The following OR51B5 variants were observed in gnomAD, a reference collection of about 807,000 sequenced individuals.
The protein encoded by OR51B5 is olfactory receptor 51B5.
For missense variants in OR51B5, 456 were observed against 374.6 expected (o/e 1.22, Z -1.79); for synonymous variants, 186 against 144.8 (o/e 1.28, Z -2.04).
At chr11:5,430,841 C>G (rs1377020276) in intron 1 of OR51B5, 1 of 457,242 alleles carries the variant, frequency 2.2e-6, no homozygotes, top group African/African-American at 2.0e-5. Flanking sequence ...ATCATGGGCA[C>G]ATAATATATA....
intron 1 of OR51B5, among the ~76,000 whole-genome samples, chr11:5,378,927 A>G (rs1490389051): frequency 6.6e-6 from 1 of 151,062 alleles, no homozygotes; most frequent in African/African-American, 2.5e-5. Context: ...ATCTAGAACT[A>G]GAAATACCAT....
chr11:5,372,607 CTATTA>C (rs1370819401), intron 1 of OR51B5, among the ~76,000 whole-genome samples: 1 of 152,052 alleles, frequency 6.6e-6, no homozygotes, highest in Non-Finnish European at 1.5e-5. Context: ...ACTTAGGTTA[CTATTA>C]TATTTTTTCA....
chr11:5,342,069 AAAG>A (rs1421009578), downstream of OR51B5, among the ~76,000 whole-genome samples: 10 of 152,332 alleles, frequency 6.6e-5, no homozygotes, highest in South Asian at 1.9e-3. Context: ...GTCACTGATC[AAAG>A]AAGATTATAT....
chr11:5,353,999 C>T (rs1378769986), intron 1 of OR51B5, among the ~76,000 whole-genome samples: 1 of 140,944 alleles, frequency 7.1e-6, no homozygotes, highest in Non-Finnish European at 1.6e-5. Context: ...TTTGTAGCTT[C>T]TTGACTGTGT....
At chr11:5,388,591 C>G (rs559916125) in intron 1 of OR51B5, among the ~76,000 whole-genome samples, 178 of 148,548 alleles carry the variant, frequency 1.2e-3, no homozygotes, top group African/African-American at 4.1e-3. Context: ...GTCATTAACA[C>G]CGTGAATATA....
chr11:5,346,270 G>A (rs113666056), upstream of OR51B5: 5 of 152,274 alleles, frequency 3.3e-5, 1 homozygote, highest in African/African-American at 1.2e-4. Context: ...ACCTGGTAAT[G>A]CAGCTATAAT....
At chr11:5,387,676 C>T (rs1368861092) in intron 1 of OR51B5, among the ~76,000 whole-genome samples, 1 of 152,124 alleles carries the variant, frequency 6.6e-6, no homozygotes, top group Non-Finnish European at 1.5e-5. Flanking sequence ...GTCTTTTAAA[C>T]TTGTCAAGCT....
At chr11:5,375,708 C>T (rs1417409241) in intron 1 of OR51B5, among the ~76,000 whole-genome samples, 2 of 151,912 alleles carry the variant, frequency 1.3e-5, no homozygotes, top group Non-Finnish European at 2.9e-5. Flanking sequence ...TCAAAAGAGA[C>T]AAAGAAGGCC....
chr11:5,408,789 C>T (rs1456643571), intron 1 of OR51B5, among the ~76,000 whole-genome samples: 1 of 152,156 alleles, frequency 6.6e-6, no homozygotes, highest in Admixed American at 6.5e-5. Context: ...GCCTTAATCT[C>T]ACTTTCTGTA....
At chr11:5,427,426 A>C (rs565621496) in intron 1 of OR51B5, among the ~76,000 whole-genome samples, 1 of 152,404 alleles carries the variant, frequency 6.6e-6, no homozygotes, top group East Asian at 1.9e-4. Flanking sequence ...GGTTACAGAC[A>C]CAAGGGGAAA....
At chr11:5,407,870 A>G (rs1243497234) in intron 1 of OR51B5, among the ~76,000 whole-genome samples, 1 of 152,022 alleles carries the variant, frequency 6.6e-6, no homozygotes, top group East Asian at 1.9e-4. Context: ...CCTATCAATA[A>G]TGATTAATTT....
chr11:5,450,596 G>T (rs1850829845), intron 1 of OR51B5, among the ~76,000 whole-genome samples: 1 of 152,156 alleles, frequency 6.6e-6, no homozygotes, highest in African/African-American at 2.4e-5. Context: ...AGGAGAATTT[G>T]TGTTCAGCCT....
intron 1 of OR51B5, among the ~76,000 whole-genome samples, chr11:5,359,592 C>T (rs936705617): frequency 7.6e-5 from 11 of 145,078 alleles, no homozygotes; most frequent in African/African-American, 2.8e-4. Flanking sequence ...AGATTCAATG[C>T]CATCCCCATC....
chr11:5,502,761 G>A (rs554481336), intron 1 of OR51B5, among the ~76,000 whole-genome samples: 1 of 152,112 alleles, frequency 6.6e-6, no homozygotes. Flanking sequence ...ACCTTACAGG[G>A]TTTCTGTAAG....
intron 1 of OR51B5, chr11:5,455,407 A>T (rs1332696555): frequency 6.6e-6 from 1 of 151,748 alleles, no homozygotes; most frequent in Non-Finnish European, 1.5e-5. Context: ...TTTAGATACC[A>T]GAAAATAATT....
intron 1 of OR51B5, chr11:5,453,855 T>G (rs1850900794): frequency 6.2e-7 from 1 of 1,614,232 alleles, no homozygotes; most frequent in Non-Finnish European, 8.5e-7. Flanking sequence ...TTTTGACCGC[T>G]ATGTGGCCAT....
chr11:5,472,385 T>C (rs553937517), intron 1 of OR51B5, among the ~76,000 whole-genome samples: 3 of 152,278 alleles, frequency 2.0e-5, no homozygotes, highest in Non-Finnish European at 4.4e-5. Context: ...ACTTACCTCC[T>C]CAGGGTAGCT....
intron 1 of OR51B5, among the ~76,000 whole-genome samples, chr11:5,425,729 T>C (rs1850438657): frequency 2.6e-5 from 4 of 152,326 alleles, no homozygotes; most frequent in East Asian, 1.9e-4. Flanking sequence ...TCTAAGAATG[T>C]AATATTCTTT....
At chr11:5,477,870 G>C (rs1315365470) in intron 1 of OR51B5, among the ~76,000 whole-genome samples, 4 of 152,124 alleles carry the variant, frequency 2.6e-5, no homozygotes, top group East Asian at 1.9e-4. Context: ...TACGCCCACG[G>C]AGTCTCCCTG....
Sources: allele counts gnomAD v4.1 joint callset (sites outside exome capture counted in the v4.1 genomes callset), GRCh38; gene constraint gnomAD v4.1.1; transcripts MANE v1.5; gene names NCBI Gene and HGNC (gene_info 2026-07-23, HGNC 2026-07-21).